Variants in DHX30 observed in about 807,000 individuals in gnomAD.
DHX30 encodes the protein ATP-dependent RNA helicase DHX30.
Under a neutral mutation model 116.9 loss-of-function variants are expected in DHX30, and 4 were observed. The observed-to-expected ratio is 0.03, with a 90% CI of 0.02 to 0.08. The LOEUF (loss-of-function observed/expected upper bound fraction) is 0.08. Among genes scored for constraint, DHX30 ranks in the 10% least tolerant of loss-of-function variants. DHX30 has a pLI of 1.00. For missense variants in DHX30, 871 were observed against 1,595.1 expected, an observed-to-expected ratio of 0.55 and a Z score of 7.73; for synonymous variants, 697 against 651.7, an observed-to-expected ratio of 1.07 and a Z score of -1.06.
At chr3:47,833,362 A>G (rs1259481058) in intron 6 of DHX30, among the ~76,000 whole-genome samples, 1 of 151,318 alleles carries the variant, frequency 6.6e-6, no homozygotes, top group Admixed American at 6.6e-5. Context: ...CCTTTTTTGT[A>G]TTTTATAAAA....
At chr3:47,845,549 A>G in intron 9 of DHX30, 151 bp from the exon 10 acceptor site, 2 of 811,758 alleles carry the variant, frequency 2.5e-6, no homozygotes, top group Non-Finnish European at 3.5e-6. Context: ...TTCCTAGTTC[A>G]TAATTTCTCC....
intron 4 of DHX30, among the ~76,000 whole-genome samples, chr3:47,821,393 G>C (rs2036293340): frequency 6.6e-6 from 1 of 152,110 alleles, no homozygotes; most frequent in African/African-American, 2.4e-5. Context: ...AGCCCCCCGA[G>C]TACCGGGGAA....
At chr3:47,842,784 C>T (rs921029988) in intron 8 of DHX30, 10 of 241,050 alleles carry the variant, frequency 4.1e-5, no homozygotes, top group Admixed American at 1.0e-4. Context: ...TGGTTTTTAG[C>T]TCATGCTGAC....
intron 3 of DHX30, chr3:47,816,376 T>TA (rs2036057445): frequency 3.1e-6 from 3 of 973,904 alleles, no homozygotes; most frequent in Non-Finnish European, 3.7e-6. Flanking sequence ...TTTTTTTTTT[T>TA]AAGACGGAGT....
chr3:47,832,050 A>T (rs945986703), intron 6 of DHX30, among the ~76,000 whole-genome samples: 14 of 144,378 alleles, frequency 9.7e-5, no homozygotes, highest in African/African-American at 1.5e-4. Context: ...GATCCATTTT[A>T]TATTAACTTG....
In DHX30 at chr3:47,846,978, C is replaced by T. The variant is rs1426249424; in HGVS notation, c.1906C>T (p.Leu636=). Residue 636 remains leucine, a synonymous_variant, in exon 11 of 22, where the codon CTG becomes TTG. Transcript: ENST00000445061. The part of the protein sequence containing the change: ...ILAKLGKHQY[L]HRHRHHESED... ...GGCCAAGTTGGGCAAGCACCAGTAC[C>T]TGCACCGGCACCGGCACCATGAGGT... 6.2e-7 allele frequency: 1 copy of T among 1,612,478 alleles called. No homozygotes were observed. Among genetic ancestry groups the T allele is most frequent in the Non-Finnish European group, 8.5e-7 (1 of 1,179,354 alleles).
intron 6 of DHX30, among the ~76,000 whole-genome samples, chr3:47,829,881 G>T (rs2036758622): frequency 6.6e-6 from 1 of 151,162 alleles, no homozygotes; most frequent in Non-Finnish European, 1.5e-5. Flanking sequence ...TCGCTCTGTT[G>T]CCTGGGCTGG....
At chr3:47,826,344 A>T (rs1185588681) in intron 4 of DHX30, among the ~76,000 whole-genome samples, 1 of 152,090 alleles carries the variant, frequency 6.6e-6, no homozygotes, top group Non-Finnish European at 1.5e-5. Flanking sequence ...AAAAGAAGCG[A>T]GGTACCTCTC....
At chr3:47,841,949 C>T in intron 8 of DHX30, 1 of 626,048 alleles carries the variant, frequency 1.6e-6, no homozygotes, top group South Asian at 1.9e-5. Context: ...TTGGGGGCCG[C>T]AAGAGCAGAA....
intron 3 of DHX30, among the ~76,000 whole-genome samples, chr3:47,813,923 A>G (rs941204938): frequency 1.2e-5 from 1 of 81,524 alleles, no homozygotes; most frequent in African/African-American, 4.9e-5. Flanking sequence ...GGCCAGCTGT[A>G]TGTAAGAAGG....
chr3:47,825,400 T>G (rs1351370080), intron 4 of DHX30, among the ~76,000 whole-genome samples: 1 of 152,220 alleles, frequency 6.6e-6, no homozygotes, highest in Non-Finnish European at 1.5e-5. Flanking sequence ...GCGGCCTTGC[T>G]GTTTGTAAAG....
chr3:47,810,571 A>G (rs1391868932), intron 2 of DHX30, 86 bp from the exon 3 acceptor site: 1 of 1,064,162 alleles, frequency 9.4e-7, no homozygotes, highest in African/African-American at 1.6e-5. Flanking sequence ...TTTTCTGAAC[A>G]GTGCTCTCCA....
chr3:47,838,498 T>TA (rs1026374425), intron 6 of DHX30, among the ~76,000 whole-genome samples: 8 of 152,234 alleles, frequency 5.3e-5, no homozygotes, highest in Admixed American at 3.9e-4. Flanking sequence ...TGGTTTTTGT[T>TA]ACTGTTGTGA....
chr3:47,816,263 A>G, intron 3 of DHX30: 1 of 985,374 alleles, frequency 1.0e-6, no homozygotes, highest in Non-Finnish European at 1.2e-6. Context: ...AATATGACAA[A>G]AAACAATTAT....
intron 20 of DHX30, 30 bp from the exon 21 acceptor site, chr3:47,849,600 G>C: frequency 6.2e-7 from 1 of 1,614,140 alleles, no homozygotes; most frequent in South Asian, 1.1e-5. Flanking sequence ...TGGTCCAAAA[G>C]GGTGGCCTCA....
chr3:47,810,757 G>A, intron 3 of DHX30, 46 bp downstream of exon 3: 2 of 1,588,702 alleles, frequency 1.3e-6, no homozygotes, highest in South Asian at 2.2e-5. Flanking sequence ...TCCTTATTGG[G>A]ATGGGCAGCT....
intron 20 of DHX30, 36 bp from the exon 21 acceptor site, chr3:47,849,594 C>A: frequency 6.2e-7 from 1 of 1,614,104 alleles, no homozygotes; most frequent in Non-Finnish European, 8.5e-7. Context: ...CTGGGATGGT[C>A]CAAAAGGGTG....
intron 6 of DHX30, among the ~76,000 whole-genome samples, chr3:47,835,008 A>T (rs1313944755): frequency 6.6e-6 from 1 of 150,732 alleles, no homozygotes; most frequent in East Asian, 2.0e-4. Flanking sequence ...TTTTTATTTT[A>T]TTTTTTATTT....
intron 9 of DHX30, among the ~76,000 whole-genome samples, chr3:47,844,379 G>T (rs545796605): frequency 3.3e-5 from 5 of 152,242 alleles, no homozygotes; most frequent in Admixed American, 6.5e-5. Context: ...TGATGCACAC[G>T]CACTGTGAGC....
Sources: gnomAD v4.1 joint callset for allele counts (sites outside exome capture counted in the v4.1 genomes callset) on GRCh38, gnomAD v4.1.1 for gene constraint, MANE v1.5 for transcripts, NCBI Gene and HGNC (gene_info 2026-07-23, HGNC 2026-07-21) for gene names.